Variants in SLX4IP observed in about 807,000 individuals in gnomAD.
SLX4IP encodes the protein protein SLX4IP.
A neutral mutation model predicts 32.9 loss-of-function variants in SLX4IP; 34 were observed. That is an observed-to-expected ratio of 1.03 (90% CI 0.79 to 1.38). The LOEUF is 1.38. Ranked by LOEUF, SLX4IP falls within the 40% of genes most tolerant of loss-of-function variation. The pLI is 0.00. For missense variants in SLX4IP, 444 were observed against 479.0 expected (o/e 0.93, Z 0.68); for synonymous variants, 172 against 171.7 (o/e 1.00, Z -0.01).
intron 2 of SLX4IP, among the ~76,000 whole-genome samples, chr20:10,521,611 G>A (rs2122449769): frequency 6.6e-6 from 1 of 152,300 alleles, no homozygotes; most frequent in East Asian, 1.9e-4. Context: ...GTCAAAAGCA[G>A]CTGTCTTACT....
intron 2 of SLX4IP, among the ~76,000 whole-genome samples, chr20:10,523,444 A>G (rs1171444584): frequency 6.6e-6 from 1 of 152,264 alleles, no homozygotes; most frequent in African/African-American, 2.4e-5. Context: ...ATATAGACAT[A>G]GTCAAACGCC....
chr20:10,486,880 G>A (rs1600920930), intron 2 of SLX4IP, among the ~76,000 whole-genome samples: 1 of 150,830 alleles, frequency 6.6e-6, no homozygotes, highest in African/African-American at 2.4e-5. Flanking sequence ...AGAAAATTCT[G>A]TTAGAAGAAA....
chr20:10,601,508 G>A, intron 5 of SLX4IP, among the ~76,000 whole-genome samples: 1 of 152,176 alleles, frequency 6.6e-6, no homozygotes, highest in East Asian at 1.9e-4. Context: ...TGGTCCCGGG[G>A]CGCAGGTGGA....
At chr20:10,612,638 C>T (rs1455044850) in intron 6 of SLX4IP, among the ~76,000 whole-genome samples, 5 of 152,098 alleles carry the variant, frequency 3.3e-5, no homozygotes, top group Non-Finnish European at 7.4e-5. Flanking sequence ...CTCCGTCTCC[C>T]AGGTTCAAGC....
At chr20:10,596,032 T>C (rs531403164) in intron 4 of SLX4IP, among the ~76,000 whole-genome samples, 1 of 152,284 alleles carries the variant, frequency 6.6e-6, no homozygotes, top group African/African-American at 2.4e-5. Context: ...TCCTACTAAT[T>C]TCAGTAACAA....
chr20:10,512,778 CTATATATATATATATATATATATA>C (rs57942782), intron 2 of SLX4IP, among the ~76,000 whole-genome samples: 33 of 25,658 alleles, frequency 1.3e-3, no homozygotes, highest in Admixed American at 2.0e-3. Flanking sequence ...CACACACACT[CTATATATATATATATATATATATA>C]TATATATATA....
chr20:10,489,332 C>T (rs1405661250), intron 2 of SLX4IP, among the ~76,000 whole-genome samples: 1 of 152,118 alleles, frequency 6.6e-6, no homozygotes, highest in Non-Finnish European at 1.5e-5. Context: ...CCCTCTTCAC[C>T]AGTTATCTTT....
At chr20:10,591,718 C>G (rs1737868839) in intron 4 of SLX4IP, among the ~76,000 whole-genome samples, 1 of 152,138 alleles carries the variant, frequency 6.6e-6, no homozygotes, top group Non-Finnish European at 1.5e-5. Flanking sequence ...TTTTGAATAT[C>G]ATTTCATCTA....
At position 10,549,199 on chromosome 20, in the gene SLX4IP, C is replaced by A. The variant is rs144569682; in HGVS notation, c.28-7032C>A. Among the ~76,000 whole-genome samples the A allele has an allele frequency of 2.3e-3, 347 of 152,322 alleles. 5 individuals are homozygous for A. Among genetic ancestry groups the A allele is most frequent in the Admixed American group, 0.016 (245 of 15,300 alleles). ...CACCTCTTGCAGGGTTTATTGCTGT[C>A]ATCCTCTGCTGCATTCTTTTCTTTC... On this transcript the variant is annotated intron_variant, in intron 2 of 7. Transcript: ENST00000334534.
chr20:10,610,069 T>C (rs913912328), intron 6 of SLX4IP, among the ~76,000 whole-genome samples: 3 of 152,210 alleles, frequency 2.0e-5, no homozygotes, highest in Admixed American at 1.3e-4. Context: ...TGTCCAAGTT[T>C]GTCACACTTG....
intron 2 of SLX4IP, among the ~76,000 whole-genome samples, chr20:10,481,710 A>G (rs551887346): frequency 2.6e-4 from 40 of 152,260 alleles, no homozygotes; most frequent in African/African-American, 7.5e-4. Context: ...AGCAGCTTAT[A>G]TTGACTCACA....
At chr20:10,600,759 C>T (rs187670186) in intron 5 of SLX4IP, among the ~76,000 whole-genome samples, 7 of 152,264 alleles carry the variant, frequency 4.6e-5, no homozygotes, top group Admixed American at 2.6e-4. Flanking sequence ...AAATTGGTCT[C>T]ATGTAAGAGG....
chr20:10,506,036 A>G (rs1003407114), intron 2 of SLX4IP, among the ~76,000 whole-genome samples: 1 of 152,212 alleles, frequency 6.6e-6, no homozygotes, highest in Non-Finnish European at 1.5e-5. Context: ...CTGGCTTTTT[A>G]TAAAGTGGAA....
At chr20:10,515,024 A>T (rs1205707071) in intron 2 of SLX4IP, among the ~76,000 whole-genome samples, 9 of 151,430 alleles carry the variant, frequency 5.9e-5, no homozygotes, top group Admixed American at 4.6e-4. Context: ...CTTGAGGGGC[A>T]GAATTGAAGG....
In SLX4IP at chr20:10,624,911, T is replaced by C. The variant is rs2067155767; in HGVS notation, c.*1532T>C. The C allele has an allele frequency of 6.6e-6, 1 of 152,264 alleles. No homozygotes were observed. The allele number at this position is 152,264 out of a possible 1,614,324, so 9.4% of individuals were successfully genotyped here. On this transcript the variant is annotated 3_prime_UTR_variant, in exon 8 of 8. Transcript: ENST00000334534. The stretch of plus-strand genomic sequence containing the variant: ...GGTGGTAGATACTGTTACTTTAATG[T>C]TCCAAACCCTGCCTAGAAACCTGTT...
At chr20:10,465,202 T>C (rs2065370277) in intron 2 of SLX4IP, among the ~76,000 whole-genome samples, 1 of 152,162 alleles carries the variant, frequency 6.6e-6, no homozygotes, top group Non-Finnish European at 1.5e-5. Flanking sequence ...ACCCAAGCTT[T>C]GCACCCACCC....
At chr20:10,614,632 A>G (rs900520418) in intron 6 of SLX4IP, among the ~76,000 whole-genome samples, 3 of 152,168 alleles carry the variant, frequency 2.0e-5, no homozygotes, top group Non-Finnish European at 2.9e-5. Context: ...CACTCCCAAC[A>G]TAGGCCGTGT....
At chr20:10,439,556 T>C (rs1177802831) in intron 1 of SLX4IP, among the ~76,000 whole-genome samples, 1 of 152,244 alleles carries the variant, frequency 6.6e-6, no homozygotes. Flanking sequence ...AAGCCTTCTG[T>C]ATACAGTGAA....
At chr20:10,620,284 C>T (rs2067092821) in intron 6 of SLX4IP, among the ~76,000 whole-genome samples, 1 of 152,078 alleles carries the variant, frequency 6.6e-6, no homozygotes, top group Non-Finnish European at 1.5e-5. Flanking sequence ...ACTTGATAAC[C>T]AAAAGGAGAA....
Sources: allele counts gnomAD v4.1 joint callset (sites outside exome capture counted in the v4.1 genomes callset), GRCh38; gene constraint gnomAD v4.1.1; transcripts MANE v1.5; gene names NCBI Gene and HGNC (gene_info 2026-07-23, HGNC 2026-07-21).